The following CYP7B1 variants were observed in gnomAD, a reference collection of about 807,000 sequenced individuals.
CYP7B1 encodes the protein cytochrome P450 7B1.
A neutral mutation model predicts 42.7 loss-of-function variants in CYP7B1; 29 were observed. The observed-to-expected ratio is 0.68, with a 90% CI of 0.51 to 0.93. The LOEUF (loss-of-function observed/expected upper bound fraction) is 0.93. Ranked by LOEUF, CYP7B1 falls within the 40% of genes least tolerant of loss-of-function variation. CYP7B1 has a pLI of 0.00. For synonymous variants in CYP7B1, 235 were observed against 218.2 expected, an observed-to-expected ratio of 1.08 and a Z score of -0.68; for missense variants, 655 against 600.5, an observed-to-expected ratio of 1.09 and a Z score of -0.95.
chr8:64,780,584 G>A (rs1188951717), intron 1 of CYP7B1, among the ~76,000 whole-genome samples: 1 of 151,876 alleles, frequency 6.6e-6, no homozygotes, highest in Non-Finnish European at 1.5e-5. Flanking sequence ...CCATAAAAAT[G>A]AGCAATTCAG....
chr8:64,644,951 C>T (rs1433301992), intron 1 of CYP7B1, among the ~76,000 whole-genome samples: 3 of 148,830 alleles, frequency 2.0e-5, no homozygotes, highest in African/African-American at 7.5e-5. Flanking sequence ...TGATGTTATC[C>T]TTCCTGTGTC....
intron 1 of CYP7B1, among the ~76,000 whole-genome samples, chr8:64,668,484 A>G (rs957502658): frequency 1.3e-5 from 2 of 152,062 alleles, no homozygotes; most frequent in Admixed American, 1.3e-4. Flanking sequence ...AATGTTTGCA[A>G]AGCTTCCCAA....
intron 1 of CYP7B1, among the ~76,000 whole-genome samples, chr8:64,723,286 C>T (rs779677754): frequency 1.6e-4 from 24 of 152,162 alleles, no homozygotes; most frequent in Non-Finnish European, 3.4e-4. Context: ...AAATCAGTAG[C>T]AGTCAATGTA....
intron 1 of CYP7B1, among the ~76,000 whole-genome samples, chr8:64,700,923 TTTGTTGTTGTTG>T (rs35437465): frequency 2.6e-5 from 4 of 151,026 alleles, no homozygotes; most frequent in Non-Finnish European, 5.9e-5. Flanking sequence ...TTAGTCACTT[TTTGTTGTTGTTG>T]TTGTTGTTGT....
At chr8:64,648,161 G>T (rs945400727) in intron 1 of CYP7B1, among the ~76,000 whole-genome samples, 7 of 152,104 alleles carry the variant, frequency 4.6e-5, no homozygotes, top group African/African-American at 1.7e-4. Flanking sequence ...AAAAGTTAGT[G>T]GTACACTGTG....
intron 1 of CYP7B1, among the ~76,000 whole-genome samples, chr8:64,735,298 A>G (rs1807470533): frequency 6.6e-6 from 1 of 152,244 alleles, no homozygotes; most frequent in Non-Finnish European, 1.5e-5. Flanking sequence ...GAGAAATCAC[A>G]GACACAGGAG....
intron 1 of CYP7B1, among the ~76,000 whole-genome samples, chr8:64,672,445 C>A (rs1233220137): frequency 1.3e-5 from 2 of 152,162 alleles, no homozygotes; most frequent in Non-Finnish European, 2.9e-5. Flanking sequence ...AATTCCCTCT[C>A]CTCCTTCAAA....
chr8:64,596,015 T>C lies in CYP7B1; in HGVS notation c.*627A>G, dbSNP rs983507289. The C allele has an allele frequency of 1.2e-5, 2 of 161,006 alleles. No homozygotes were observed. Among genetic ancestry groups the C allele is most frequent in the Non-Finnish European group, 2.9e-5 (2 of 70,070 alleles). The allele number at this position is 161,006 out of a possible 1,614,324, so 10.0% of individuals were successfully genotyped here. On this transcript the variant is annotated 3_prime_UTR_variant, in exon 6 of 6. Coordinates refer to ENST00000310193, the MANE Select transcript of CYP7B1 (RefSeq NM_004820.5). The stretch of plus-strand genomic sequence containing the variant: ...AAAGGTCTTATGTAACCAGAAATTT[T>C]GTTCTATTGAGCCATAGTATACAAA...
At chr8:64,692,441 T>C (rs1348118148) in intron 1 of CYP7B1, among the ~76,000 whole-genome samples, 1 of 152,228 alleles carries the variant, frequency 6.6e-6, no homozygotes, top group Non-Finnish European at 1.5e-5. Flanking sequence ...AGTGCTTCCC[T>C]TGACATGCCT....
At chr8:64,627,932 GAC>G (rs1460475991) in intron 1 of CYP7B1, among the ~76,000 whole-genome samples, 3 of 152,192 alleles carry the variant, frequency 2.0e-5, no homozygotes, top group Non-Finnish European at 4.4e-5. Context: ...AAGGCCTGAT[GAC>G]ACACAGCACA....
rs760079886 is a variant in CYP7B1 at position 64,596,798 on chromosome 8, T to C, written c.1365A>G (p.Ala455=). 6.2e-7 allele frequency: 1 copy of C among 1,614,124 alleles called. No homozygotes were observed. The part of the protein sequence containing the change: ...GTSKCPGRFF[A]LMEIKQLLVI... Reference sequence around the variant, plus strand: ...CCAACAATTGTTTTATTTCCATAAGTGCAAAAAATCGGCCTGGACATTTGC... The same window carrying C: ...CCAACAATTGTTTTATTTCCATAAGCGCAAAAAATCGGCCTGGACATTTGC... The change falls in exon 6 of 6, where the codon GCA becomes GCG. Residue 455 remains alanine (A), a synonymous_variant. Coordinates refer to ENST00000310193, the MANE Select transcript of CYP7B1 (RefSeq NM_004820.5).
At chr8:64,724,503 A>G (rs925617700) in intron 1 of CYP7B1, among the ~76,000 whole-genome samples, 2 of 152,200 alleles carry the variant, frequency 1.3e-5, no homozygotes, top group Admixed American at 6.5e-5. Flanking sequence ...TTATTCTGAT[A>G]TATCTGATTT....
intron 1 of CYP7B1, among the ~76,000 whole-genome samples, chr8:64,782,002 G>A (rs1804432341): frequency 6.6e-6 from 1 of 152,118 alleles, no homozygotes. Flanking sequence ...AGGCACAGAG[G>A]CTGGCACCTA....
Position 64,591,116 on chromosome 8 carries a change from T to G in CYP7B1, c.*5526A>C, listed in dbSNP as rs537908525. On this transcript the variant is annotated 3_prime_UTR_variant, in exon 6 of 6. Transcript: ENST00000310193. ...AACCTATTTTAAATTGTGTAGAGTT[T>G]TTCATGTATTAAATTTATTTTACTC... Among the ~76,000 whole-genome samples the G allele has an allele frequency of 1.3e-5, 2 of 152,268 alleles. No individual in the cohort carries two copies. Among genetic ancestry groups the G allele is most frequent in the East Asian group, 3.9e-4 (2 of 5,194 alleles).
chr8:64,649,241 A>G (rs1806000673), intron 1 of CYP7B1, among the ~76,000 whole-genome samples: 1 of 152,032 alleles, frequency 6.6e-6, no homozygotes. Flanking sequence ...CTTGGCAACT[A>G]CCTTTTTACC....
intron 1 of CYP7B1, among the ~76,000 whole-genome samples, chr8:64,643,692 T>C (rs1805903144): frequency 3.3e-5 from 5 of 152,230 alleles, no homozygotes; most frequent in Non-Finnish European, 7.3e-5. Context: ...TTGGAGTCAA[T>C]TCGCTCAAAC....
downstream of CYP7B1, among the ~76,000 whole-genome samples, chr8:64,586,998 A>C (rs1804976561): frequency 6.6e-6 from 1 of 152,220 alleles, no homozygotes; most frequent in Non-Finnish European, 1.5e-5. Context: ...AACAACTCTT[A>C]CGGTGAGAGT....
intron 1 of CYP7B1, among the ~76,000 whole-genome samples, chr8:64,645,422 G>A (rs1451503813): frequency 1.3e-5 from 2 of 152,022 alleles, no homozygotes; most frequent in African/African-American, 4.8e-5. Flanking sequence ...TCCAGCACCT[G>A]TTGTTTCCTG....
At chr8:64,682,881 T>C (rs1259374999) in intron 1 of CYP7B1, among the ~76,000 whole-genome samples, 2 of 152,214 alleles carry the variant, frequency 1.3e-5, no homozygotes, top group African/African-American at 2.4e-5. Context: ...CCAAAATGAA[T>C]GCTTCATTTT....
Sources: allele counts gnomAD v4.1 joint callset (sites outside exome capture counted in the v4.1 genomes callset), GRCh38; gene constraint gnomAD v4.1.1; transcripts MANE v1.5; gene names NCBI Gene and HGNC (gene_info 2026-07-23, HGNC 2026-07-21).